SIPA1L3: variants seen among roughly 807,000 people sequenced by gnomAD.
SIPA1L3 encodes signal-induced proliferation-associated 1-like protein 3.
A neutral mutation model predicts 150.1 loss-of-function variants in SIPA1L3; 59 were observed. The ratio of observed to expected loss-of-function variants is 0.39; its 90% confidence interval spans 0.32 to 0.49. The LOEUF (loss-of-function observed/expected upper bound fraction) is 0.49. Ranked by LOEUF, SIPA1L3 falls within the 20% of genes least tolerant of loss-of-function variation. The pLI is 0.86. For synonymous variants in SIPA1L3, 1,070 were observed against 1,077.6 expected (o/e 0.99, Z 0.14); for missense variants, 2,211 against 2,489.5 (o/e 0.89, Z 2.38).
At chr19:38,079,373 G>C (rs372978888) in intron 2 of SIPA1L3, among the ~76,000 whole-genome samples, 10 of 152,286 alleles carry the variant, frequency 6.6e-5, no homozygotes, top group African/African-American at 2.4e-4. Context: ...GAACAACACA[G>C]ACATCCCTGC....
chr19:38,143,388 C>T (rs1221505337), intron 12 of SIPA1L3, among the ~76,000 whole-genome samples: 2 of 151,980 alleles, frequency 1.3e-5, no homozygotes, highest in Non-Finnish European at 2.9e-5. Flanking sequence ...CTCCTCCTTG[C>T]AGTGGTCCTC....
chr19:37,916,684 G>A (rs2046417659), intron 1 of SIPA1L3, among the ~76,000 whole-genome samples: 1 of 152,002 alleles, frequency 6.6e-6, no homozygotes, highest in Non-Finnish European at 1.5e-5. Context: ...GTGGGGCCGA[G>A]CGCGGTGACT....
In SIPA1L3 at chr19:38,206,387, A is replaced by G; in HGVS notation, c.*147A>G. 1.0e-6 allele frequency: 1 copy of G among 968,156 alleles called. No individual in the cohort carries two copies. Among genetic ancestry groups the G allele is most frequent in the Non-Finnish European group, 1.5e-6 (1 of 668,646 alleles). The allele number at this position is 968,156 out of a possible 1,614,324, so 60.0% of individuals were successfully genotyped here. ...TGGACACGGAAACTCCGATGGCCTCACTAGGGCTGTGAGTCAGGGTCAGCG... is the reference window on the plus strand; with the variant it reads ...TGGACACGGAAACTCCGATGGCCTCGCTAGGGCTGTGAGTCAGGGTCAGCG... On this transcript the variant is annotated 3_prime_UTR_variant, in exon 22 of 22. Coordinates refer to ENST00000222345, the MANE Select transcript of SIPA1L3 (RefSeq NM_015073.3).
intron 12 of SIPA1L3, among the ~76,000 whole-genome samples, chr19:38,148,803 G>A (rs1479834030): frequency 6.6e-6 from 1 of 152,166 alleles, no homozygotes; most frequent in African/African-American, 2.4e-5. Flanking sequence ...GGAGACATCT[G>A]AAACCATAGC....
Position 38,004,288 on chromosome 19 carries a change from C to T in SIPA1L3, c.-378-24801C>T, listed in dbSNP as rs1016478406. On this transcript the variant is annotated intron_variant, in intron 1 of 21. Transcript: ENST00000222345. The stretch of plus-strand genomic sequence containing the variant: ...CAAAAAGTGGGCATTTAACCAGAGG[C>T]TCCTGGGGCGGCCCAGAGACCTGAA... Among the ~76,000 whole-genome samples, 4 of 152,218 alleles carry T rather than the reference C, an allele frequency of 2.6e-5. No individual in the cohort carries two copies. The East Asian group carries it at 7.7e-4, about 29-fold the overall frequency.
At chr19:38,173,080 G>T (rs1600168895) in intron 15 of SIPA1L3, among the ~76,000 whole-genome samples, 1 of 152,312 alleles carries the variant, frequency 6.6e-6, no homozygotes, top group African/African-American at 2.4e-5. Context: ...CAGCCTGGGT[G>T]ACAAAGTAAG....
chr19:38,021,553 T>G (rs1968373126), intron 1 of SIPA1L3, among the ~76,000 whole-genome samples: 2 of 151,804 alleles, frequency 1.3e-5, no homozygotes, highest in South Asian at 4.2e-4. Context: ...CCTTTTTTTT[T>G]TTTTTGGAGA....
chr19:38,168,983 GAT>G (rs1398245426), intron 15 of SIPA1L3, among the ~76,000 whole-genome samples: 1 of 152,092 alleles, frequency 6.6e-6, no homozygotes, highest in Non-Finnish European at 1.5e-5. Context: ...ATTTTAAATG[GAT>G]ATATGCTTGC....
intron 15 of SIPA1L3, 149 bp downstream of exon 15, chr19:38,165,055 C>A: frequency 5.1e-6 from 4 of 785,150 alleles, no homozygotes; most frequent in Non-Finnish European, 7.7e-6. Context: ...TTGAGGAGCT[C>A]GTGGATCTCT....
At chr19:38,179,231 C>A (rs1329948380) in intron 15 of SIPA1L3, among the ~76,000 whole-genome samples, 1 of 152,222 alleles carries the variant, frequency 6.6e-6, no homozygotes, top group East Asian at 1.9e-4. Context: ...CACCTGAAGT[C>A]AGGAGTTCGA....
intron 8 of SIPA1L3, among the ~76,000 whole-genome samples, chr19:38,112,056 A>G (rs927355523): frequency 1.4e-5 from 2 of 146,162 alleles, no homozygotes; most frequent in Non-Finnish European, 3.0e-5. Context: ...ACACATGCAC[A>G]CACACGTATG....
intron 15 of SIPA1L3, among the ~76,000 whole-genome samples, chr19:38,170,965 A>G (rs1490195319): frequency 7.7e-6 from 1 of 130,256 alleles, no homozygotes; most frequent in Admixed American, 7.5e-5. Context: ...TGCAACATAT[A>G]TATAGACACA....
Position 38,082,804 on chromosome 19 carries a change from G to A in SIPA1L3, c.1239G>A (p.Gln413=). 1 of 1,613,622 alleles carries A rather than the reference G, an allele frequency of 6.2e-7. No homozygotes were observed. The change falls in exon 3 of 22, where the codon CAG becomes CAA. Residue 413 remains glutamine, a synonymous_variant. Coordinates refer to ENST00000222345, the MANE Select transcript of SIPA1L3 (RefSeq NM_015073.3). ...TAAACTGCAAGGAGAACTTGGAGCA[G>A]GACCTCGGCGATGACAACAGCAACG... is the stretch of plus-strand genomic sequence containing the variant. The part of the protein sequence containing the change: ...EDLNCKENLE[Q]DLGDDNSNDL...
chr19:38,115,916 G>A (rs955513145), intron 8 of SIPA1L3, among the ~76,000 whole-genome samples: 5 of 152,154 alleles, frequency 3.3e-5, no homozygotes, highest in African/African-American at 7.2e-5. Flanking sequence ...GCCTAAGAGC[G>A]TGGAGTCCAG....
chr19:38,049,711 G>A (rs1198165328), intron 2 of SIPA1L3, among the ~76,000 whole-genome samples: 1 of 152,152 alleles, frequency 6.6e-6, no homozygotes, highest in African/African-American at 2.4e-5. Context: ...CTGGGGTTTT[G>A]CTCCATTGGC....
intron 2 of SIPA1L3, among the ~76,000 whole-genome samples, chr19:38,052,612 G>T (rs992031780): frequency 6.6e-6 from 1 of 152,244 alleles, no homozygotes; most frequent in Admixed American, 6.5e-5. Context: ...GAGGGAACTC[G>T]ATCCCCATTT....
At chr19:38,160,835 G>C (rs1368457220) in intron 13 of SIPA1L3, among the ~76,000 whole-genome samples, 1 of 152,150 alleles carries the variant, frequency 6.6e-6, no homozygotes, top group Admixed American at 6.5e-5. Flanking sequence ...CACTGTAGAG[G>C]GAAGACTGTT....
At chr19:37,939,533 G>A (rs1270470949) in intron 1 of SIPA1L3, among the ~76,000 whole-genome samples, 1 of 152,022 alleles carries the variant, frequency 6.6e-6, no homozygotes, top group African/African-American at 2.4e-5. Context: ...GCGAGCCTGT[G>A]TTCTCATCAG....
intron 1 of SIPA1L3, among the ~76,000 whole-genome samples, chr19:38,016,466 A>G (rs1968233993): frequency 6.6e-6 from 1 of 152,156 alleles, no homozygotes; most frequent in South Asian, 2.1e-4. Context: ...CAAACCAGAA[A>G]CATACACACA....
Sources: allele counts gnomAD v4.1 joint callset (sites outside exome capture counted in the v4.1 genomes callset), GRCh38; gene constraint gnomAD v4.1.1; transcripts MANE v1.5; gene names NCBI Gene and HGNC (gene_info 2026-07-23, HGNC 2026-07-21).